Variants in SPATA19 observed in about 807,000 individuals in gnomAD.
SPATA19 encodes spermatogenesis-associated protein 19, mitochondrial.
A neutral mutation model predicts 25.0 loss-of-function variants in SPATA19; 19 were observed. That is an observed-to-expected ratio of 0.76 (90% CI 0.53 to 1.11). SPATA19 has a LOEUF of 1.11. SPATA19 is among the 50% of genes most tolerant of loss of function. The pLI, the probability that SPATA19 is intolerant of heterozygous loss-of-function variation, is 0.00. For synonymous variants in SPATA19, 64 were observed against 69.3 expected, an observed-to-expected ratio of 0.92 and a Z score of 0.38; for missense variants, 222 against 211.4, an observed-to-expected ratio of 1.05 and a Z score of -0.31.
intron 2 of SPATA19, 139 bp from the exon 3 acceptor site, chr11:133,844,779 T>C: frequency 9.8e-7 from 1 of 1,018,504 alleles, no homozygotes; most frequent in South Asian, 1.7e-5. Flanking sequence ...CTTACCTCAC[T>C]GTTCCCACAA....
chr11:133,842,679 C>A (rs1361703494), intron 4 of SPATA19, 117 bp from the exon 5 acceptor site: 4 of 829,012 alleles, frequency 4.8e-6, no homozygotes, highest in South Asian at 1.5e-5. Flanking sequence ...ACACCATGAA[C>A]TTTTGAGCTG....
downstream of SPATA19, among the ~76,000 whole-genome samples, chr11:133,839,972 T>A (rs1010394134): frequency 4.6e-5 from 7 of 151,666 alleles, no homozygotes; most frequent in African/African-American, 1.2e-4. Context: ...ATGCAAAAAA[T>A]AATAATAATA....
chr11:133,842,841 G>C (rs1158496879), intron 4 of SPATA19, among the ~76,000 whole-genome samples: 1 of 152,172 alleles, frequency 6.6e-6, no homozygotes, highest in South Asian at 2.1e-4. Context: ...GCAAGCAGTG[G>C]TCTCGTGAGC....
chr11:133,839,072 C>T (rs1459157588), downstream of SPATA19, among the ~76,000 whole-genome samples: 1 of 152,188 alleles, frequency 6.6e-6, no homozygotes, highest in Admixed American at 6.5e-5. Context: ...AACACTTTTA[C>T]ACTGTTAGTG....
rs778576236 is a variant in SPATA19 at position 133,844,615 on chromosome 11, A to G, written c.161T>C (p.Ile54Thr). ...KKTEEEASRG[I>T]KEKLSINHPS... is the part of the protein sequence containing the mutation. ...GTGGTTGATGGACAGCTTTTCCTTTATGCCCCGAGAAGCCTCTTCTTCTGT... is the reference window on the plus strand; with the variant it reads ...GTGGTTGATGGACAGCTTTTCCTTTGTGCCCCGAGAAGCCTCTTCTTCTGT... The change falls in exon 3 of 7, where the codon ATA becomes ACA. Residue 54 changes from isoleucine (I) to threonine (T), a missense_variant. By Grantham distance (89) the Ile-to-Thr change is moderately conservative (BLOSUM62 -1). Coordinates refer to ENST00000299140, the MANE Select transcript of SPATA19 (RefSeq NM_174927.3). 6.2e-7 allele frequency: 1 copy of G among 1,611,120 alleles called. No homozygotes were observed. The highest frequency in any genetic ancestry group is 1.7e-5 in the Admixed American group (1 of 59,666).
downstream of SPATA19, among the ~76,000 whole-genome samples, chr11:133,836,067 C>G (rs994746201): frequency 6.6e-6 from 1 of 152,208 alleles, no homozygotes; most frequent in African/African-American, 2.4e-5. Context: ...AAGGCAGGAT[C>G]CTTAACCAGG....
chr11:133,841,055 T>C (rs955170863), intron 6 of SPATA19, 132 bp from the exon 7 acceptor site: 1 of 152,170 alleles, frequency 6.6e-6, no homozygotes, highest in Non-Finnish European at 1.5e-5. Flanking sequence ...TGTTCTTCTC[T>C]AGTAATATGA....
rs1016618399 is a variant in SPATA19, at chr11:133,840,704, G to A, written c.*229C>T. The A allele has an allele frequency of 6.6e-6, 1 of 152,216 alleles. No homozygotes were observed. The highest frequency in any genetic ancestry group is 1.5e-5 in the Non-Finnish European group (1 of 68,054). 9.4% of individuals were successfully genotyped at this position (152,216 alleles called of 1,614,324 possible). A position where few individuals can be genotyped will look rare whatever the true frequency, so the allele number is the denominator to read the frequency against. On this transcript the variant is annotated 3_prime_UTR_variant, in exon 7 of 7. Coordinates refer to ENST00000299140, the MANE Select transcript of SPATA19 (RefSeq NM_174927.3). ...CAGTGCTGACACTGTCGCATGAAGAGCTCACCTGCTGGAGTCTTTCTGCCC... is the reference window on the plus strand; with the variant it reads ...CAGTGCTGACACTGTCGCATGAAGAACTCACCTGCTGGAGTCTTTCTGCCC...
rs1938369867 is a variant in SPATA19, at chr11:133,844,238, CACCTT to C, written c.359+3_359+7del. On this transcript the variant is annotated splice_donor_5th_base_variant and intron_variant, in intron 4 of 6. Transcript: ENST00000299140. ...CTTCCTTCGCCCAGGGCAAGTGGGA[CACCTT>C]ACCTCCATCTTATGAACTGGATTCG... The C allele has an allele frequency of 1.9e-6, 3 of 1,613,558 alleles. No homozygotes were observed. The highest frequency in any genetic ancestry group is 2.2e-5 in the East Asian group (1 of 44,866).
At chr11:133,842,716 C>T (rs1048938832) in intron 4 of SPATA19, among the ~76,000 whole-genome samples, 154 bp from the exon 5 acceptor site, 3 of 152,088 alleles carry the variant, frequency 2.0e-5, no homozygotes, top group Admixed American at 6.5e-5. Flanking sequence ...GACTCATGAG[C>T]ACAAAGCTTT....
rs1323251081 is a variant in SPATA19 at position 133,842,012 on chromosome 11, A to T, written c.*9+18T>A. ...AACCATCTTCTCTGCCCAGTTCCTC[A>T]TCCGTCAGCTCTCTCACCTGTTGCT... is the stretch of plus-strand genomic sequence containing the variant. On this transcript the variant is annotated intron_variant, in intron 6 of 6. Transcript: ENST00000299140. 24 of 1,611,444 alleles carry T rather than the reference A, an allele frequency of 1.5e-5. No homozygotes were observed. Among genetic ancestry groups the T allele is most frequent in the Non-Finnish European group, 2.0e-5 (24 of 1,177,734 alleles).
chr11:133,838,385 T>C (rs1342008049), downstream of SPATA19, among the ~76,000 whole-genome samples: 3 of 152,124 alleles, frequency 2.0e-5, no homozygotes, highest in Non-Finnish European at 4.4e-5. Context: ...GAGGAAAGAA[T>C]TGGAGTTTCA....
rs1363030866 is a variant in SPATA19 at position 133,844,589 on chromosome 11, G to T, written c.187C>A (p.Pro63Thr). 1.2e-6 allele frequency: 2 copies of T among 1,613,614 alleles called. No individual in the cohort carries two copies. Among genetic ancestry groups the T allele is most frequent in the Non-Finnish European group, 1.7e-6 (2 of 1,179,872 alleles). ...GIKEKLSINH[P>T]SQGVREKMST... ...ATCTTCTCCCTTACACCCTGGGAAGGGTGGTTGATGGACAGCTTTTCCTTT... is the reference window on the plus strand; with the variant it reads ...ATCTTCTCCCTTACACCCTGGGAAGTGTGGTTGATGGACAGCTTTTCCTTT... The change falls in exon 3 of 7, where the codon CCT becomes ACT. Residue 63 changes from proline (P) to threonine (T), a missense_variant. Physicochemically the swap from Pro to Thr is conservative, Grantham distance 38. Transcript: ENST00000299140.
chr11:133,843,192 G>C (rs1377037022), intron 4 of SPATA19, among the ~76,000 whole-genome samples: 1 of 152,120 alleles, frequency 6.6e-6, no homozygotes, highest in Non-Finnish European at 1.5e-5. Context: ...TGTCTGAAAA[G>C]CTTAAAACTA....
At chr11:133,838,355 T>C (rs1206703797), downstream of SPATA19, among the ~76,000 whole-genome samples, 2 of 152,198 alleles carry the variant, frequency 1.3e-5, no homozygotes, top group Admixed American at 6.5e-5. Flanking sequence ...GAAGGACTCA[T>C]TGGTAGACTG....
In SPATA19 at chr11:133,842,563, C is replaced by A. The variant is rs758472189; in HGVS notation, c.360-1G>T. 8.7e-6 allele frequency: 14 copies of A among 1,612,912 alleles called. No homozygotes were observed. Among genetic ancestry groups the A allele is most frequent in the Non-Finnish European group, 1.2e-5 (14 of 1,178,874 alleles). On this transcript the variant is annotated splice_acceptor_variant, in intron 4 of 6. Coordinates refer to ENST00000299140, the MANE Select transcript of SPATA19 (RefSeq NM_174927.3). LOFTEE classifies it high-confidence loss of function. Reference sequence around the variant, plus strand: ...TGGCACTTGGAAGATACGAGTGTGGCTGCAAAAGGCCATTCGTACATTGGC... The same window carrying A: ...TGGCACTTGGAAGATACGAGTGTGGATGCAAAAGGCCATTCGTACATTGGC...
At chr11:133,839,825 G>T (rs1174569352), downstream of SPATA19, among the ~76,000 whole-genome samples, 1 of 152,030 alleles carries the variant, frequency 6.6e-6, no homozygotes, top group Non-Finnish European at 1.5e-5. Context: ...ATGTGTAACG[G>T]GAAGACAAGA....
downstream of SPATA19, among the ~76,000 whole-genome samples, chr11:133,838,341 C>G (rs938966102): frequency 1.3e-5 from 2 of 152,106 alleles, no homozygotes; most frequent in Non-Finnish European, 2.9e-5. Flanking sequence ...TAAAGAATGT[C>G]TTTGAAGGAC....
downstream of SPATA19, among the ~76,000 whole-genome samples, chr11:133,838,203 A>G (rs2121171384): frequency 6.6e-6 from 1 of 152,370 alleles, no homozygotes; most frequent in East Asian, 1.9e-4. Flanking sequence ...TATGAAAAAT[A>G]TGCTAAGGGC....
Sources: allele counts gnomAD v4.1 joint callset (sites outside exome capture counted in the v4.1 genomes callset), GRCh38; gene constraint gnomAD v4.1.1; transcripts MANE v1.5; gene names NCBI Gene and HGNC (gene_info 2026-07-23, HGNC 2026-07-21).